Variants in WDR25 observed in about 807,000 individuals in gnomAD.
The protein encoded by WDR25 is WD repeat-containing protein 25.
WDR25 carries 35 observed loss-of-function variants against 47.7 expected under a neutral mutation model. That is an observed-to-expected ratio of 0.73 (90% confidence interval 0.56 to 0.97). WDR25 has a LOEUF of 0.97. Among genes scored for constraint, WDR25 ranks in the 50% least tolerant of loss-of-function variants. The pLI is 0.00. For synonymous variants in WDR25, 248 were observed against 278.9 expected, an observed-to-expected ratio of 0.89 and a Z score of 1.10; for missense variants, 634 against 704.7, an observed-to-expected ratio of 0.90 and a Z score of 1.14.
intron 4 of WDR25, among the ~76,000 whole-genome samples, chr14:100,517,591 C>A (rs1033306334): frequency 1.3e-5 from 2 of 152,164 alleles, no homozygotes; most frequent in Non-Finnish European, 2.9e-5. Context: ...CGCCTGTAAT[C>A]CTAGCACTTT....
chr14:100,465,093 T>C (rs1462294721), intron 2 of WDR25, among the ~76,000 whole-genome samples: 1 of 152,112 alleles, frequency 6.6e-6, no homozygotes, highest in Non-Finnish European at 1.5e-5. Flanking sequence ...CTAGGAGTGA[T>C]GGCCCTCCTC....
Position 100,471,967 on chromosome 14 carries a change from C to T in WDR25, c.970+3799C>T, listed in dbSNP as rs552453260. Among the ~76,000 whole-genome samples, 17 of 152,306 alleles carry T rather than the reference C, an allele frequency of 1.1e-4. No individual in the cohort carries two copies. In the East Asian group the frequency reaches 3.1e-3, roughly 28 times the overall value. On this transcript the variant is annotated intron_variant, in intron 3 of 6. Transcript: ENST00000402312. ...CTCAGGGAACGCTGGCCGACTCCAC[C>T]AGGGCCCTGAGTGTCACCTGTCTTA...
intron 2 of WDR25, among the ~76,000 whole-genome samples, chr14:100,448,298 G>A (rs1898907328): frequency 6.6e-6 from 1 of 152,028 alleles, no homozygotes; most frequent in Admixed American, 6.6e-5. Flanking sequence ...GAGAAACAAT[G>A]TCTGCATAGA....
At chr14:100,519,172 C>T (rs1166441586) in intron 4 of WDR25, among the ~76,000 whole-genome samples, 1 of 152,044 alleles carries the variant, frequency 6.6e-6, no homozygotes, top group Non-Finnish European at 1.5e-5. Context: ...TTTCCCAACC[C>T]ACCTGCTATT....
Position 100,391,487 on chromosome 14 carries a change from G to C in WDR25, c.822+9741G>C, listed in dbSNP as rs563647773. On this transcript the variant is annotated intron_variant, in intron 2 of 6. Coordinates refer to ENST00000402312, the MANE Select transcript of WDR25 (RefSeq NM_001161476.3). Reference sequence around the variant, plus strand: ...GGCTTATTCCGCAGGGCATGGGTACGCCACAGCTTCCTCAACCTTTCCTCA... The same window carrying C: ...GGCTTATTCCGCAGGGCATGGGTACCCCACAGCTTCCTCAACCTTTCCTCA... 2.0e-5 allele frequency among the ~76,000 whole-genome samples: 3 copies of C among 152,218 alleles called. No homozygotes were observed. In the East Asian group the frequency reaches 5.8e-4, roughly 29 times the overall value.
chr14:100,422,670 G>A (rs1186444192), intron 2 of WDR25, among the ~76,000 whole-genome samples: 1 of 152,160 alleles, frequency 6.6e-6, no homozygotes, highest in Non-Finnish European at 1.5e-5. Flanking sequence ...TATTTGTTCC[G>A]TGGACGCCCA....
intron 5 of WDR25, among the ~76,000 whole-genome samples, chr14:100,526,881 T>A: frequency 2.5e-5 from 1 of 39,792 alleles, no homozygotes; most frequent in Non-Finnish European, 6.5e-5. Flanking sequence ...CATCACTATC[T>A]TTATACCCAC....
intron 2 of WDR25, among the ~76,000 whole-genome samples, chr14:100,420,403 A>G (rs1021406189): frequency 2.6e-5 from 4 of 152,084 alleles, no homozygotes; most frequent in African/African-American, 9.7e-5. Context: ...AGCCTTCAGG[A>G]TAGTCATCTT....
intron 2 of WDR25, among the ~76,000 whole-genome samples, chr14:100,432,322 G>T (rs1434812737): frequency 6.6e-6 from 1 of 152,224 alleles, no homozygotes; most frequent in East Asian, 1.9e-4. Flanking sequence ...TATCCCACTT[G>T]TAAGAGAGTC....
At chr14:100,389,568 A>G (rs1036672711) in intron 2 of WDR25, among the ~76,000 whole-genome samples, 15 of 152,174 alleles carry the variant, frequency 9.9e-5, no homozygotes, top group African/African-American at 3.6e-4. Context: ...GTCAGAAGGT[A>G]CATGTGAGTG....
chr14:100,508,971 TC>T (rs1901210547), intron 4 of WDR25, among the ~76,000 whole-genome samples: 1 of 152,194 alleles, frequency 6.6e-6, no homozygotes, highest in African/African-American at 2.4e-5. Context: ...AGAGTTTAAT[TC>T]AAGTTGCTAA....
chr14:100,459,882 A>G (rs184664947), intron 2 of WDR25, among the ~76,000 whole-genome samples: 2,246 of 71,800 alleles, frequency 0.031, 116 homozygotes, highest in African/African-American at 0.14. Flanking sequence ...ATATCCGTAT[A>G]TGTGTGTGTG....
intron 4 of WDR25, among the ~76,000 whole-genome samples, chr14:100,516,355 A>G (rs929194809): frequency 3.9e-5 from 6 of 152,074 alleles, no homozygotes; most frequent in Admixed American, 1.3e-4. Flanking sequence ...AAACTTGGCA[A>G]TTGTTTTGCT....
In WDR25 at chr14:100,407,825, G is replaced by A. The variant is rs1897587759; in HGVS notation, c.822+26079G>A. On this transcript the variant is annotated intron_variant, in intron 2 of 6. Transcript: ENST00000402312. The surrounding 1 kb of genome is among the most constrained non-coding windows in gnomAD (Gnocchi z 4.1). ...GGAGATGTAGCCCGTCCCCGTTCAG[G>A]AGCCTCTCACGTGTATTGCCTCTCA... Among the ~76,000 whole-genome samples the A allele has an allele frequency of 4.3e-5, 6 of 141,078 alleles. No homozygotes were observed. The South Asian group carries it at 1.3e-3, about 29-fold the overall frequency. The allele number at this position is 141,078 out of a possible 152,430, so 92.6% of individuals were successfully genotyped here.
intron 4 of WDR25, 54 bp downstream of exon 4, chr14:100,484,178 T>C: frequency 6.4e-7 from 1 of 1,567,488 alleles, no homozygotes; most frequent in South Asian, 1.2e-5. Context: ...GTTTCGACAA[T>C]TTGAATAATT....
chr14:100,381,136 A>G lies in WDR25; in HGVS notation c.212A>G (p.Glu71Gly). 1 of 1,614,208 alleles carries G rather than the reference A, an allele frequency of 6.2e-7. No homozygotes were observed. Among genetic ancestry groups the G allele is most frequent in the Non-Finnish European group, 8.5e-7 (1 of 1,180,036 alleles). ...CAGCCCACAAAGCATGGCTCCTGTG[A>G]AGACCCAGGGGGCTATCGCCTTCCA... is the stretch of plus-strand genomic sequence containing the variant. ...GAQPTKHGSCEDPGGYRLPLA... is the reference protein window; with the variant it reads ...GAQPTKHGSCGDPGGYRLPLA... The change falls in exon 2 of 7, where the codon GAA becomes GGA. Residue 71 changes from glutamate (E) to glycine (G), a missense_variant. By Grantham distance (98) the Glu-to-Gly change is moderately conservative. Coordinates refer to ENST00000402312, the MANE Select transcript of WDR25 (RefSeq NM_001161476.3).
chr14:100,522,244 T>C (rs1459369613), intron 4 of WDR25, among the ~76,000 whole-genome samples: 1 of 152,204 alleles, frequency 6.6e-6, no homozygotes, highest in Non-Finnish European at 1.5e-5. Context: ...TTTTTAATTA[T>C]TATTGTTTTT....
chr14:100,521,500 CTCT>C (rs1211257494), intron 4 of WDR25, among the ~76,000 whole-genome samples: 1 of 152,180 alleles, frequency 6.6e-6, no homozygotes, highest in Non-Finnish European at 1.5e-5. Flanking sequence ...TTCACGTCCC[CTCT>C]TCTTTACACA....
chr14:100,427,592 C>T (rs1030221969), intron 2 of WDR25, among the ~76,000 whole-genome samples: 1 of 152,154 alleles, frequency 6.6e-6, no homozygotes, highest in Non-Finnish European at 1.5e-5. Context: ...AGGCAGGAGC[C>T]GGGGGTGACG....
Sources: allele counts gnomAD v4.1 joint callset (sites outside exome capture counted in the v4.1 genomes callset), GRCh38; gene constraint gnomAD v4.1.1; non-coding constraint Gnocchi (gnomAD v3.1); transcripts MANE v1.5; gene names NCBI Gene and HGNC (gene_info 2026-07-23, HGNC 2026-07-21).